The following LDB2 variants were observed in gnomAD, a reference collection of about 807,000 sequenced individuals.
LDB2 encodes the protein LIM domain-binding protein 2.
In LDB2, 12 loss-of-function variants were observed where a neutral mutation model predicts 44.3. The observed-to-expected ratio is 0.27, with a 90% confidence interval of 0.17 to 0.44. LDB2 has a LOEUF of 0.44. Among genes scored for constraint, LDB2 ranks in the 20% least tolerant of loss-of-function variants. The probability of loss-of-function intolerance (pLI) is 1.00; values close to 1 mark genes in which losing one functional copy is unlikely to be tolerated. For missense variants in LDB2, 344 were observed against 473.5 expected (o/e 0.73, Z 2.54); for synonymous variants, 164 against 174.8 (o/e 0.94, Z 0.49).
intron 1 of LDB2, among the ~76,000 whole-genome samples, chr4:16,876,690 A>G (rs536550652): frequency 4.0e-4 from 61 of 152,168 alleles, no homozygotes; most frequent in African/African-American, 1.4e-3. Flanking sequence ...TTCAATTTGC[A>G]TAGCTAATTC....
intron 6 of LDB2, among the ~76,000 whole-genome samples, chr4:16,509,069 G>A (rs1392894): frequency 0.8 from 121,937 of 152,138 alleles, 49,708 homozygotes; most frequent in African/African-American, 0.95. Context: ...CTTTAAAACA[G>A]AGAGAGGACT....
intron 2 of LDB2, among the ~76,000 whole-genome samples, chr4:16,755,373 AG>A (rs1194035702): frequency 6.6e-6 from 1 of 152,138 alleles, no homozygotes; most frequent in Non-Finnish European, 1.5e-5. Context: ...TTTCAGATAA[AG>A]GACAGTAATT....
intron 2 of LDB2, among the ~76,000 whole-genome samples, chr4:16,733,650 C>T (rs1031486055): frequency 2.6e-5 from 4 of 152,284 alleles, no homozygotes; most frequent in Non-Finnish European, 4.4e-5. Context: ...GGTAAAAAGT[C>T]TTTGTGTGGC....
chr4:16,726,941 A>ATG (rs942042748), intron 2 of LDB2, among the ~76,000 whole-genome samples: 6 of 152,116 alleles, frequency 3.9e-5, no homozygotes, highest in Non-Finnish European at 5.9e-5. Flanking sequence ...TATGTACATT[A>ATG]TGTGTGTGTG....
At chr4:16,837,595 A>G (rs1330282704) in intron 1 of LDB2, among the ~76,000 whole-genome samples, 1 of 152,236 alleles carries the variant, frequency 6.6e-6, no homozygotes, top group Non-Finnish European at 1.5e-5. Context: ...TCTGCATGAA[A>G]AAGCCTGGGC....
chr4:16,897,950 A>ATATATATATATATATATACACATATG (rs1725769331), intron 1 of LDB2, among the ~76,000 whole-genome samples: 3 of 62,380 alleles, frequency 4.8e-5, no homozygotes, highest in Non-Finnish European at 1.0e-4. Context: ...ACATATGTAT[A>ATATATATATATATATATACACATATG]TATATATATA....
intron 1 of LDB2, among the ~76,000 whole-genome samples, chr4:16,845,648 A>T (rs1250096334): frequency 6.6e-6 from 1 of 152,176 alleles, no homozygotes; most frequent in African/African-American, 2.4e-5. Flanking sequence ...AGCAATACTA[A>T]TCGCATAGGA....
intron 2 of LDB2, among the ~76,000 whole-genome samples, chr4:16,706,165 A>G (rs1754564445): frequency 6.6e-6 from 1 of 152,184 alleles, no homozygotes; most frequent in Non-Finnish European, 1.5e-5. Flanking sequence ...GCCCCATGTT[A>G]AGTCCTTGAG....
chr4:16,781,798 G>C (rs1467461334), intron 1 of LDB2, among the ~76,000 whole-genome samples: 1 of 152,134 alleles, frequency 6.6e-6, no homozygotes, highest in African/African-American at 2.4e-5. Context: ...TAAGATAAGG[G>C]TGGTTCCTAA....
chr4:16,847,007 A>G (rs1787147671), intron 1 of LDB2, among the ~76,000 whole-genome samples: 1 of 151,978 alleles, frequency 6.6e-6, no homozygotes, highest in African/African-American at 2.4e-5. Flanking sequence ...CTCTATTTTA[A>G]TTTCTCTCCT....
At chr4:16,750,110 A>G (rs906176862) in intron 2 of LDB2, among the ~76,000 whole-genome samples, 1 of 152,234 alleles carries the variant, frequency 6.6e-6, no homozygotes, top group Non-Finnish European at 1.5e-5. Flanking sequence ...ATATAGCCAT[A>G]TCCTTCTACA....
intron 5 of LDB2, among the ~76,000 whole-genome samples, chr4:16,559,706 C>G (rs1425857261): frequency 6.6e-6 from 1 of 152,048 alleles, no homozygotes; most frequent in Non-Finnish European, 1.5e-5. Flanking sequence ...CAGCTCTGCA[C>G]CAAGCGGACC....
chr4:16,590,920 G>T (rs1718699607), intron 3 of LDB2, among the ~76,000 whole-genome samples: 1 of 152,180 alleles, frequency 6.6e-6, no homozygotes, highest in South Asian at 2.1e-4. Context: ...AATTTACGAA[G>T]ACATTAAAAA....
At chr4:16,848,504 TAGTTAGCATGTGG>T (rs1231585645) in intron 1 of LDB2, among the ~76,000 whole-genome samples, 4 of 152,220 alleles carry the variant, frequency 2.6e-5, no homozygotes, top group Non-Finnish European at 5.9e-5. Flanking sequence ...AGGCAGAGTC[TAGTTAGCATGTGG>T]AAGAATATTT....
intron 2 of LDB2, among the ~76,000 whole-genome samples, chr4:16,749,587 AAAATAT>A (rs1765091135): frequency 6.9e-6 from 1 of 145,446 alleles, no homozygotes; most frequent in Non-Finnish European, 1.5e-5. Context: ...AAAATAAAAA[AAAATAT>A]ATATATATAT....
At chr4:16,770,563 C>T (rs1770441427) in intron 1 of LDB2, among the ~76,000 whole-genome samples, 1 of 152,098 alleles carries the variant, frequency 6.6e-6, no homozygotes, top group South Asian at 2.1e-4. Flanking sequence ...GAAACTGAGG[C>T]CCCAAGCGGT....
chr4:16,567,413 CGT>C (rs926400033), intron 5 of LDB2, among the ~76,000 whole-genome samples: 1 of 147,930 alleles, frequency 6.8e-6, no homozygotes, highest in Admixed American at 6.7e-5. Flanking sequence ...TGTGTGCATG[CGT>C]GTGTGTGTGT....
At chr4:16,715,595 CTCT>C (rs1003733266) in intron 2 of LDB2, among the ~76,000 whole-genome samples, 3 of 152,158 alleles carry the variant, frequency 2.0e-5, no homozygotes, top group Non-Finnish European at 4.4e-5. Flanking sequence ...TCCATTTTTC[CTCT>C]GTTAATAAAA....
chr4:16,722,430 G>C (rs76660608), intron 2 of LDB2, among the ~76,000 whole-genome samples: 53 of 152,166 alleles, frequency 3.5e-4, no homozygotes, highest in African/African-American at 1.3e-3. Context: ...CACCTCTCAG[G>C]ACCCTTTAGC....
Sources: allele counts gnomAD v4.1 joint callset (sites outside exome capture counted in the v4.1 genomes callset), GRCh38; gene constraint gnomAD v4.1.1; transcripts MANE v1.5; gene names NCBI Gene and HGNC (gene_info 2026-07-23, HGNC 2026-07-21).